Variants in PSMA8 observed in about 807,000 individuals in gnomAD.
PSMA8 encodes the protein proteasome 20S subunit alpha 8.
A neutral mutation model predicts 32.4 loss-of-function variants in PSMA8; 18 were observed. The observed-to-expected ratio is 0.56, with a 90% CI of 0.38 to 0.82. PSMA8 has a LOEUF of 0.82. Ranked by LOEUF, PSMA8 falls within the 40% of genes least tolerant of loss-of-function variation. The pLI, the probability that PSMA8 is intolerant of heterozygous loss-of-function variation, is 0.00. For missense variants in PSMA8, 298 were observed against 300.7 expected, an observed-to-expected ratio of 0.99 and a Z score of 0.07; for synonymous variants, 104 against 98.1, an observed-to-expected ratio of 1.06 and a Z score of -0.36.
At chr18:26,181,923 GAA>G (rs1292805950) in intron 6 of PSMA8, among the ~76,000 whole-genome samples, 2 of 113,982 alleles carry the variant, frequency 1.8e-5, no homozygotes, top group Non-Finnish European at 3.7e-5. Flanking sequence ...GACGCCATCT[GAA>G]AAAAAAAAAA....
At chr18:26,150,137 C>T (rs900577736) in intron 2 of PSMA8, among the ~76,000 whole-genome samples, 3 of 152,102 alleles carry the variant, frequency 2.0e-5, no homozygotes, top group Non-Finnish European at 4.4e-5. Flanking sequence ...GGATGCCCAA[C>T]CAGTAAGTAT....
At chr18:26,191,237 ATCAT>A (rs1285698565) in intron 6 of PSMA8, among the ~76,000 whole-genome samples, 1 of 152,192 alleles carries the variant, frequency 6.6e-6, no homozygotes, top group Non-Finnish European at 1.5e-5. Flanking sequence ...CATAAAGTTG[ATCAT>A]TCATTTATCA....
intron 2 of PSMA8, among the ~76,000 whole-genome samples, chr18:26,146,238 T>C (rs1429500370): frequency 6.6e-6 from 1 of 151,158 alleles, no homozygotes; most frequent in African/African-American, 2.4e-5. Flanking sequence ...AGTTTAACAA[T>C]CTCATTCAAG....
chr18:26,140,192 T>C, intron 1 of PSMA8: 1 of 700,980 alleles, frequency 1.4e-6, no homozygotes, highest in South Asian at 1.5e-5. Flanking sequence ...GGCCTGCCAC[T>C]AGAGTCCTTT....
At chr18:26,137,844 C>G (rs1307616120) in intron 1 of PSMA8, among the ~76,000 whole-genome samples, 1 of 152,050 alleles carries the variant, frequency 6.6e-6, no homozygotes, top group African/African-American at 2.4e-5. Context: ...TATAGGAACC[C>G]CAGGTGTTGG....
intron 6 of PSMA8, among the ~76,000 whole-genome samples, chr18:26,191,587 T>G (rs1234923314): frequency 6.6e-6 from 1 of 151,312 alleles, no homozygotes; most frequent in Non-Finnish European, 1.5e-5. Context: ...GCAGCAGAGG[T>G]TGCAATCACA....
In PSMA8 at chr18:26,182,019, C is replaced by T. The variant is rs2055316087; in HGVS notation, c.660+2889C>T. Among the ~76,000 whole-genome samples, 4 of 151,970 alleles carry T rather than the reference C, an allele frequency of 2.6e-5. No individual in the cohort carries two copies. The South Asian group carries it at 8.3e-4, about 32-fold the overall frequency. On this transcript the variant is annotated intron_variant, in intron 6 of 6. Coordinates refer to ENST00000415576, the MANE Select transcript of PSMA8 (RefSeq NM_001025096.2). ...GCCACAACATTCCTCTAAGCCAAAGCCTAATCCAGAGCAAAGTCCTAACTT... is the reference window on the plus strand; with the variant it reads ...GCCACAACATTCCTCTAAGCCAAAGTCTAATCCAGAGCAAAGTCCTAACTT...
chr18:26,164,308 G>A (rs546542235), intron 4 of PSMA8, among the ~76,000 whole-genome samples: 39 of 152,246 alleles, frequency 2.6e-4, no homozygotes, highest in African/African-American at 9.4e-4. Flanking sequence ...AAAAGAAAAG[G>A]GGAGAGGGAC....
At chr18:26,164,817 C>T (rs766246122) in intron 4 of PSMA8, among the ~76,000 whole-genome samples, 18 of 151,932 alleles carry the variant, frequency 1.2e-4, no homozygotes, top group Admixed American at 1.3e-4. Context: ...TTTAAATTTT[C>T]GGGATGTGAT....
chr18:26,134,847 G>T (rs180805601), intron 1 of PSMA8, among the ~76,000 whole-genome samples: 156 of 152,172 alleles, frequency 1.0e-3, no homozygotes, highest in African/African-American at 3.6e-3. Context: ...CCAGCTACTC[G>T]GGAGGCTGAG....
chr18:26,189,847 T>C (rs1389604687), intron 6 of PSMA8, among the ~76,000 whole-genome samples: 1 of 152,200 alleles, frequency 6.6e-6, no homozygotes, highest in Non-Finnish European at 1.5e-5. Flanking sequence ...TGCACTCCCA[T>C]GTTAATTGCA....
intron 4 of PSMA8, among the ~76,000 whole-genome samples, chr18:26,173,639 C>T (rs113906080): frequency 0.072 from 10,864 of 151,922 alleles, 502 homozygotes; most frequent in East Asian, 0.12. Flanking sequence ...TCACTGCAAC[C>T]TCCACCCCCC....
At chr18:26,146,949 G>A (rs1036165326) in intron 2 of PSMA8, among the ~76,000 whole-genome samples, 6 of 152,114 alleles carry the variant, frequency 3.9e-5, no homozygotes, top group Admixed American at 3.9e-4. Context: ...ATGGTAGAAG[G>A]CAAAGGGGGA....
intron 2 of PSMA8, among the ~76,000 whole-genome samples, chr18:26,148,205 A>C (rs2055018818): frequency 6.6e-6 from 1 of 152,138 alleles, no homozygotes; most frequent in African/African-American, 2.4e-5. Flanking sequence ...CCAAAGCCAA[A>C]GACATTACAA....
intron 4 of PSMA8, 87 bp downstream of exon 4, chr18:26,158,331 T>C: frequency 9.3e-7 from 1 of 1,074,492 alleles, no homozygotes; most frequent in South Asian, 1.5e-5. Flanking sequence ...CATGAAAAAT[T>C]ATGTTGCATT....
At chr18:26,135,499 T>C (rs1221515766) in intron 1 of PSMA8, among the ~76,000 whole-genome samples, 1 of 152,220 alleles carries the variant, frequency 6.6e-6, no homozygotes, top group Non-Finnish European at 1.5e-5. Context: ...AAAGTATTTT[T>C]CTATTTAATT....
At chr18:26,176,725 G>C (rs1380447719) in intron 4 of PSMA8, among the ~76,000 whole-genome samples, 5 of 152,084 alleles carry the variant, frequency 3.3e-5, no homozygotes. Context: ...CTGAAGTCGG[G>C]AGTTTGAGAC....
In PSMA8 at chr18:26,158,117, T is replaced by C. The variant is rs1226574789; in HGVS notation, c.355-5T>C. On this transcript the variant is annotated splice_polypyrimidine_tract_variant and splice_region_variant and intron_variant, in intron 3 of 6. Coordinates refer to ENST00000415576, the MANE Select transcript of PSMA8 (RefSeq NM_001025096.2). ...TTATTCTAAAAATACGTTTTATTTTTCTAGAAATATACCCAAAGCAATGGA... is the reference window on the plus strand; with the variant it reads ...TTATTCTAAAAATACGTTTTATTTTCCTAGAAATATACCCAAAGCAATGGA... 2.6e-6 allele frequency: 4 copies of C among 1,564,582 alleles called. No individual in the cohort carries two copies. Among genetic ancestry groups the C allele is most frequent in the Non-Finnish European group, 3.5e-6 (4 of 1,151,632 alleles).
At chr18:26,160,062 G>A (rs1788204336) in intron 4 of PSMA8, among the ~76,000 whole-genome samples, 1 of 152,100 alleles carries the variant, frequency 6.6e-6, no homozygotes, top group Admixed American at 6.6e-5. Context: ...AGCACTTTGG[G>A]CAGCCAAGGC....
Sources: allele counts gnomAD v4.1 joint callset (sites outside exome capture counted in the v4.1 genomes callset), GRCh38; gene constraint gnomAD v4.1.1; transcripts MANE v1.5; gene names NCBI Gene and HGNC (gene_info 2026-07-23, HGNC 2026-07-21).